PKIB: variants seen among roughly 807,000 people sequenced by gnomAD.
PKIB encodes PKI-beta.
PKIB carries 2 observed loss-of-function variants against 4.5 expected under a neutral mutation model. That is an observed-to-expected ratio of 0.44 (90% CI 0.18 to 1.39). The LOEUF (loss-of-function observed/expected upper bound fraction) is 1.39, where lower values mean the gene tolerates loss of function less well. Among genes scored for constraint, PKIB ranks in the 40% most tolerant of loss-of-function variants. The pLI is 0.27. For missense variants in PKIB, 94 were observed against 92.6 expected (o/e 1.02, Z -0.06); for synonymous variants, 38 against 36.0 (o/e 1.06, Z -0.20).
At chr6:122,607,153 C>A (rs1158087908), upstream of PKIB, among the ~76,000 whole-genome samples, 1 of 151,190 alleles carries the variant, frequency 6.6e-6, no homozygotes, top group Non-Finnish European at 1.5e-5. Context: ...GACAGGGGAG[C>A]ATTAAACATT....
At chr6:122,692,917 A>T (rs1484517743) in intron 3 of PKIB, among the ~76,000 whole-genome samples, 1 of 152,246 alleles carries the variant, frequency 6.6e-6, no homozygotes, top group Non-Finnish European at 1.5e-5. Context: ...TTGAATTTTA[A>T]TCTTGGCAAT....
At chr6:122,533,689 A>T (rs1447586116) in intron 2 of PKIB, among the ~76,000 whole-genome samples, 1 of 152,190 alleles carries the variant, frequency 6.6e-6, no homozygotes, top group East Asian at 1.9e-4. Context: ...GAATTGGATT[A>T]CTCAAGAAAC....
At chr6:122,563,949 T>TC (rs1239896863) in intron 2 of PKIB, among the ~76,000 whole-genome samples, 1 of 152,108 alleles carries the variant, frequency 6.6e-6, no homozygotes, top group African/African-American at 2.4e-5. Context: ...TTGCACACCT[T>TC]CCCCCAAGTT....
At chr6:122,510,036 G>C (rs1776535333) in intron 2 of PKIB, among the ~76,000 whole-genome samples, 1 of 151,782 alleles carries the variant, frequency 6.6e-6, no homozygotes, top group Non-Finnish European at 1.5e-5. Context: ...GGATCTTTAA[G>C]TTGGGCTGAA....
intron 3 of PKIB, among the ~76,000 whole-genome samples, chr6:122,700,518 A>C (rs2115025413): frequency 6.6e-6 from 1 of 152,130 alleles, no homozygotes; most frequent in African/African-American, 2.4e-5. Flanking sequence ...TTTCTCTATA[A>C]CCTCAAGGAT....
rs74982027 is a variant in PKIB, at chr6:122,714,204, C to T, written c.-8-3583C>T. Among the ~76,000 whole-genome samples, 30 of 152,264 alleles carry T rather than the reference C, an allele frequency of 2.0e-4. No individual in the cohort carries two copies. In the East Asian group the frequency reaches 4.8e-3, roughly 25 times the overall value. ...TGTAGAAAGTGCCATCTTCCTACAT[C>T]GCTGTGAGGCTGGGCGGGGTTAGCT... is the stretch of plus-strand genomic sequence containing the variant. On this transcript the variant is annotated intron_variant, in intron 3 of 4. Coordinates refer to ENST00000368452, the MANE Select transcript of PKIB (RefSeq NM_181795.3).
At chr6:122,526,619 A>G (rs961042545) in intron 2 of PKIB, among the ~76,000 whole-genome samples, 1 of 152,106 alleles carries the variant, frequency 6.6e-6, no homozygotes, top group Non-Finnish European at 1.5e-5. Context: ...GGTCTCAACA[A>G]TGGACTTAAA....
intron 2 of PKIB, among the ~76,000 whole-genome samples, chr6:122,538,190 C>G (rs1427439678): frequency 6.6e-6 from 1 of 152,034 alleles, no homozygotes; most frequent in Non-Finnish European, 1.5e-5. Context: ...TAATTAGATC[C>G]CATTTGTCAA....
chr6:122,526,444 G>A (rs866282119), intron 2 of PKIB, among the ~76,000 whole-genome samples: 1 of 152,062 alleles, frequency 6.6e-6, no homozygotes, highest in Non-Finnish European at 1.5e-5. Flanking sequence ...AGATTTAAAT[G>A]TTGAAATTAC....
At chr6:122,703,756 G>C (rs12528582) in intron 3 of PKIB, among the ~76,000 whole-genome samples, 46,704 of 149,844 alleles carry the variant, frequency 0.31, 8,250 homozygotes, top group South Asian at 0.56. Context: ...CTTATGTAGA[G>C]CTTTTACATA....
At chr6:122,612,361 G>C (rs2114762956) in intron 1 of PKIB, among the ~76,000 whole-genome samples, 1 of 152,002 alleles carries the variant, frequency 6.6e-6, no homozygotes, top group South Asian at 2.1e-4. Flanking sequence ...ACCATATCTG[G>C]TTTTAGAACA....
chr6:122,675,918 T>A (rs1777655131), intron 3 of PKIB, among the ~76,000 whole-genome samples: 2 of 152,000 alleles, frequency 1.3e-5, no homozygotes. Context: ...AAAGCAGCAG[T>A]CCCTGACCAT....
chr6:122,593,894 C>A (rs1034583005), intron 3 of PKIB, among the ~76,000 whole-genome samples: 4 of 152,124 alleles, frequency 2.6e-5, no homozygotes, highest in African/African-American at 9.7e-5. Flanking sequence ...TTTGGCAACA[C>A]CCTCACAGAC....
At chr6:122,480,858 A>T (rs1471695409) in intron 2 of PKIB, 1 of 152,230 alleles carries the variant, frequency 6.6e-6, no homozygotes, top group African/African-American at 2.4e-5. Flanking sequence ...AATCATAGAC[A>T]TGCATATGTG....
chr6:122,619,830 C>A (rs542594605), intron 1 of PKIB, among the ~76,000 whole-genome samples: 1 of 152,064 alleles, frequency 6.6e-6, no homozygotes, highest in Non-Finnish European at 1.5e-5. Context: ...GCTACCTCCC[C>A]CTTGACCCAA....
At chr6:122,575,607 G>A (rs1773504786) in intron 2 of PKIB, among the ~76,000 whole-genome samples, 1 of 152,136 alleles carries the variant, frequency 6.6e-6, no homozygotes. Context: ...ATGAAATAAT[G>A]ACTTTTGCAG....
intron 1 of PKIB, among the ~76,000 whole-genome samples, chr6:122,627,093 AT>A (rs1678927557): frequency 2.0e-5 from 2 of 99,888 alleles, no homozygotes; most frequent in South Asian, 6.6e-4. Context: ...AAAAAAAAAA[AT>A]TAGCTGGGCG....
At chr6:122,702,326 CTTTTTTTTTTTTTT>C (rs112095053) in intron 3 of PKIB, among the ~76,000 whole-genome samples, 1 of 97,266 alleles carries the variant, frequency 1.0e-5, no homozygotes, top group South Asian at 3.8e-4. Flanking sequence ...TTTAAAAAAA[CTTTTTTTTTTTTTT>C]TTTTTTTGAG....
chr6:122,647,883 G>A (rs2262332), intron 2 of PKIB, among the ~76,000 whole-genome samples: 53,615 of 152,104 alleles, frequency 0.35, 10,128 homozygotes, highest in South Asian at 0.61. Flanking sequence ...TTAGCCTGGC[G>A]GCGTGACCCA....
Sources: allele counts gnomAD v4.1 joint callset (sites outside exome capture counted in the v4.1 genomes callset), GRCh38; gene constraint gnomAD v4.1.1; transcripts MANE v1.5; gene names NCBI Gene and HGNC (gene_info 2026-07-23, HGNC 2026-07-21).